Variants in KCND3 observed in about 807,000 individuals in gnomAD.
KCND3 encodes the protein potassium voltage-gated channel subfamily D member 3.
Under a neutral mutation model 51.1 loss-of-function variants are expected in KCND3, and 9 were observed. The observed-to-expected ratio is 0.18, with a 90% confidence interval of 0.11 to 0.31. The LOEUF (loss-of-function observed/expected upper bound fraction) is 0.31. Among genes scored for constraint, KCND3 ranks in the 10% least tolerant of loss-of-function variants. The pLI, the probability that KCND3 is intolerant of heterozygous loss-of-function variation, is 1.00. For synonymous variants in KCND3, 349 were observed against 368.0 expected (o/e 0.95, Z 0.59); for missense variants, 526 against 903.8 (o/e 0.58, Z 5.36).
intron 2 of KCND3, among the ~76,000 whole-genome samples, chr1:111,811,556 G>T (rs1439901351): frequency 1.3e-5 from 2 of 152,052 alleles, no homozygotes; most frequent in South Asian, 2.1e-4. Flanking sequence ...AGGGTGAGTC[G>T]ATCTTTAAGG....
chr1:111,784,145 C>CACACACACT (rs1553236817), intron 3 of KCND3, among the ~76,000 whole-genome samples: 56 of 125,166 alleles, frequency 4.5e-4, no homozygotes, highest in Non-Finnish European at 7.7e-4. Flanking sequence ...ACACACACAC[C>CACACACACT]AGTCCAAGTA....
At position 111,833,361 on chromosome 1, in the gene KCND3, C is replaced by T. The variant is rs576133753; in HGVS notation, c.1107-46255G>A. ...GCCTGGAACCTTGCACTCGTTTTAT[C>T]GGTATCCAATATATCCTTATTGAAT... On this transcript the variant is annotated intron_variant, in intron 2 of 7. Coordinates refer to ENST00000302127, the MANE Select transcript of KCND3 (RefSeq NM_001378969.1). Among the ~76,000 whole-genome samples, 217 of 152,376 alleles carry T rather than the reference C, an allele frequency of 1.4e-3. 2 individuals carry two copies. The highest frequency in any genetic ancestry group is 5.0e-3 in the African/African-American group (206 of 41,586).
intron 2 of KCND3, among the ~76,000 whole-genome samples, chr1:111,800,550 T>C (rs908838712): frequency 1.5e-5 from 2 of 129,852 alleles, no homozygotes; most frequent in African/African-American, 3.0e-5. Context: ...AAAAAATAAA[T>C]TTAAAAAAAA....
intron 2 of KCND3, among the ~76,000 whole-genome samples, chr1:111,819,511 A>G (rs1666253863): frequency 6.6e-6 from 1 of 152,204 alleles, no homozygotes; most frequent in Non-Finnish European, 1.5e-5. Context: ...GTGAAAGTTA[A>G]CTTAATGCGG....
intron 2 of KCND3, among the ~76,000 whole-genome samples, chr1:111,935,107 A>G (rs1175241062): frequency 6.6e-6 from 1 of 152,252 alleles, no homozygotes; most frequent in Non-Finnish European, 1.5e-5. Context: ...GGGTATGTCC[A>G]TAAACACAAG....
intron 2 of KCND3, among the ~76,000 whole-genome samples, chr1:111,977,709 CT>C (rs954614446): frequency 6.6e-6 from 1 of 152,220 alleles, no homozygotes; most frequent in African/African-American, 2.4e-5. Flanking sequence ...ATGCTCTCCT[CT>C]TTCCCAGTCC....
At chr1:111,902,188 C>A (rs1444869468) in intron 2 of KCND3, among the ~76,000 whole-genome samples, 1 of 152,188 alleles carries the variant, frequency 6.6e-6, no homozygotes, top group African/African-American at 2.4e-5. Flanking sequence ...AGGGGGCAGC[C>A]AATCCCAAAG....
chr1:111,844,643 C>T (rs1667469935), intron 2 of KCND3, among the ~76,000 whole-genome samples: 1 of 152,222 alleles, frequency 6.6e-6, no homozygotes, highest in Admixed American at 6.5e-5. Flanking sequence ...TCACTCCCAT[C>T]CCTTCACTTG....
At chr1:111,965,071 A>G (rs962747020) in intron 2 of KCND3, among the ~76,000 whole-genome samples, 27 of 142,114 alleles carry the variant, frequency 1.9e-4, no homozygotes, top group Non-Finnish European at 3.7e-4. Flanking sequence ...ACCCCCCCAA[A>G]CTGCCCCCAA....
At position 111,892,638 on chromosome 1, in the gene KCND3, T is replaced by A. The variant is rs548378744; in HGVS notation, c.1106+88983A>T. Among the ~76,000 whole-genome samples, 20 of 152,308 alleles carry A rather than the reference T, an allele frequency of 1.3e-4. 1 individual carries two copies. Among genetic ancestry groups the A allele is most frequent in the African/African-American group, 4.6e-4 (19 of 41,566 alleles). On this transcript the variant is annotated intron_variant, in intron 2 of 7. Coordinates refer to ENST00000302127, the MANE Select transcript of KCND3 (RefSeq NM_001378969.1). The stretch of plus-strand genomic sequence containing the variant: ...GTTATGCAATAAATAAATGAACACA[T>A]ACATGAAAGATAATATAGTGCCACG...
At chr1:111,848,485 G>A in intron 2 of KCND3, among the ~76,000 whole-genome samples, 1 of 152,172 alleles carries the variant, frequency 6.6e-6, no homozygotes, top group South Asian at 2.1e-4. Flanking sequence ...CCACCCTGAA[G>A]TGACTCTCAG....
intron 2 of KCND3, among the ~76,000 whole-genome samples, chr1:111,890,083 C>T (rs1669760237): frequency 6.6e-6 from 1 of 152,166 alleles, no homozygotes; most frequent in South Asian, 2.1e-4. Context: ...CTGAAGGACA[C>T]TGAAGAATTC....
intron 2 of KCND3, among the ~76,000 whole-genome samples, chr1:111,863,627 G>T (rs1668430186): frequency 6.6e-6 from 1 of 152,236 alleles, no homozygotes; most frequent in Non-Finnish European, 1.5e-5. Context: ...GGGCAATGAA[G>T]TAGGAGAGGC....
intron 2 of KCND3, among the ~76,000 whole-genome samples, chr1:111,881,336 A>G (rs949530035): frequency 6.6e-6 from 1 of 152,174 alleles, no homozygotes. Context: ...GCAAAGAAAA[A>G]GTGCCTTTTG....
intron 2 of KCND3, among the ~76,000 whole-genome samples, chr1:111,968,160 G>A (rs1674110184): frequency 1.3e-5 from 2 of 152,302 alleles, no homozygotes; most frequent in Admixed American, 1.3e-4. Flanking sequence ...CTCTGAGCAT[G>A]CCAGCTGGGC....
intron 2 of KCND3, among the ~76,000 whole-genome samples, chr1:111,900,581 A>G (rs1465134281): frequency 6.6e-6 from 1 of 152,206 alleles, no homozygotes; most frequent in Non-Finnish European, 1.5e-5. Flanking sequence ...CCTCATCTGT[A>G]AAATGAGGAA....
chr1:111,811,796 G>A (rs74683551), intron 2 of KCND3, among the ~76,000 whole-genome samples: 3,070 of 152,270 alleles, frequency 0.02, 118 homozygotes, highest in East Asian at 0.15. Context: ...CTGGAGAGAC[G>A]TTACTTACTG....
intron 2 of KCND3, among the ~76,000 whole-genome samples, chr1:111,934,933 A>G (rs1303524054): frequency 1.3e-5 from 2 of 152,240 alleles, no homozygotes; most frequent in Non-Finnish European, 2.9e-5. Context: ...AATGCCTGGC[A>G]TGTGGTTGGC....
intron 2 of KCND3, among the ~76,000 whole-genome samples, chr1:111,849,027 C>T (rs998090562): frequency 3.9e-5 from 6 of 152,166 alleles, no homozygotes; most frequent in Admixed American, 6.5e-5. Context: ...CCTTCTCCCC[C>T]GCCGCTCCCT....
Sources: gnomAD v4.1 joint callset for allele counts (sites outside exome capture counted in the v4.1 genomes callset) on GRCh38, gnomAD v4.1.1 for gene constraint, MANE v1.5 for transcripts, NCBI Gene and HGNC (gene_info 2026-07-23, HGNC 2026-07-21) for gene names.